CD300LD: variants seen among roughly 807,000 people sequenced by gnomAD.
CD300LD encodes the protein CMRF35-like molecule 5.
Under a neutral mutation model 20.3 loss-of-function variants are expected in CD300LD, and 18 were observed. That is an observed-to-expected ratio of 0.89 (90% CI 0.61 to 1.32). The LOEUF is 1.32. Ranked by LOEUF, CD300LD falls within the 40% of genes most tolerant of loss-of-function variation. CD300LD has a pLI of 0.00. For missense variants in CD300LD, 195 were observed against 226.6 expected, an observed-to-expected ratio of 0.86 and a Z score of 0.90; for synonymous variants, 104 against 90.1, an observed-to-expected ratio of 1.15 and a Z score of -0.87.
intron 1 of CD300LD, 189 bp downstream of exon 1, chr17:74,591,974 G>T: frequency 6.7e-7 from 1 of 1,499,292 alleles, no homozygotes; most frequent in Non-Finnish European, 9.0e-7. Context: ...GTGTGTGTTT[G>T]TTTCTGCAGC....
rs1431973077 is a variant in CD300LD, at chr17:74,580,131, C to T, written c.474-18G>A. Reference sequence around the variant, plus strand: ...GCGGGGACCTGTGGGAACACGGTGACAGGAAATGAGCTGCCTCCTGGGTCA... The same window carrying T: ...GCGGGGACCTGTGGGAACACGGTGATAGGAAATGAGCTGCCTCCTGGGTCA... On this transcript the variant is annotated intron_variant, in intron 3 of 3. Transcript: ENST00000375352. 6.4e-7 allele frequency: 1 copy of T among 1,552,494 alleles called. No individual in the cohort carries two copies.
At chr17:74,590,951 G>A (rs2143301012) in intron 1 of CD300LD, among the ~76,000 whole-genome samples, 1 of 152,130 alleles carries the variant, frequency 6.6e-6, no homozygotes, top group South Asian at 2.1e-4. Context: ...CATGCCTGTA[G>A]TCCCAGCTAC....
intron 2 of CD300LD, among the ~76,000 whole-genome samples, chr17:74,585,836 CTAGA>C (rs2030145373): frequency 6.6e-6 from 1 of 152,166 alleles, no homozygotes; most frequent in Non-Finnish European, 1.5e-5. Context: ...GCAGACCAGG[CTAGA>C]CAGAATCATG....
At position 74,592,219 on chromosome 17, in the gene CD300LD, C is replaced by T. The variant is rs1257638578; in HGVS notation, c.-17G>A. 1 of 1,614,192 alleles carries T rather than the reference C, an allele frequency of 6.2e-7. No individual in the cohort carries two copies. The stretch of plus-strand genomic sequence containing the variant: ...CAGCCACATGGTCCTGTCTCCTCTC[C>T]TCTCCTTGGTGATCACAGGTGTCTG... On this transcript the variant is annotated 5_prime_UTR_variant, in exon 1 of 4. Coordinates refer to ENST00000375352, the MANE Select transcript of CD300LD (RefSeq NM_001115152.2).
At chr17:74,583,449 C>T (rs978418274) in intron 2 of CD300LD, among the ~76,000 whole-genome samples, 1 of 152,230 alleles carries the variant, frequency 6.6e-6, no homozygotes, top group Admixed American at 6.5e-5. Context: ...TCAGGCTCAA[C>T]TGAACCTGCC....
intron 2 of CD300LD, among the ~76,000 whole-genome samples, chr17:74,583,228 A>G (rs1191733858): frequency 6.6e-6 from 1 of 152,212 alleles, no homozygotes; most frequent in Non-Finnish European, 1.5e-5. Context: ...CAGTACCTCA[A>G]AATGTGACTA....
Position 74,580,104 on chromosome 17 carries a change from G to C in CD300LD, c.483C>G (p.Leu161=). ...ACAGGAACAGGAAGTGGGTGCTCTT[G>C]AGCGGGGACCTGTGGGAACACGGTG... ...KTSSPLTRSP[L]KSTHFLFLFL... The change falls in exon 4 of 4, where the codon CTC becomes CTG. Residue 161 remains leucine, a synonymous_variant. Coordinates refer to ENST00000375352, the MANE Select transcript of CD300LD (RefSeq NM_001115152.2). The C allele has an allele frequency of 6.2e-7, 1 of 1,609,926 alleles. No homozygotes were observed. The highest frequency in any genetic ancestry group is 1.1e-5 in the South Asian group (1 of 90,372).
chr17:74,585,442 C>T (rs2030135056), intron 2 of CD300LD, among the ~76,000 whole-genome samples: 1 of 152,122 alleles, frequency 6.6e-6, no homozygotes, highest in Non-Finnish European at 1.5e-5. Context: ...TGAAAACTGG[C>T]CTGTGTCACC....
At chr17:74,591,265 T>TAAA (rs373754208) in intron 1 of CD300LD, among the ~76,000 whole-genome samples, 2 of 106,294 alleles carry the variant, frequency 1.9e-5, no homozygotes, top group Non-Finnish European at 4.4e-5. Context: ...AAAAAAAAAA[T>TAAA]AAAAATAATA....
Position 74,586,838 on chromosome 17 carries a change from A to C in CD300LD, c.379+1673T>G, listed in dbSNP as rs192467072. On this transcript the variant is annotated intron_variant, in intron 2 of 3. Coordinates refer to ENST00000375352, the MANE Select transcript of CD300LD (RefSeq NM_001115152.2). ...ATTCTGATTATGAAGGAGAAATTCA[A>C]GTAGTGGTAATGTCACAAGGTCTTT... Among the ~76,000 whole-genome samples the C allele has an allele frequency of 1.7e-3, 260 of 152,336 alleles. 1 individual carries two copies. Among genetic ancestry groups the C allele is most frequent in the African/African-American group, 6.0e-3 (250 of 41,574 alleles).
At chr17:74,582,581 C>G (rs986940560) in intron 2 of CD300LD, among the ~76,000 whole-genome samples, 2 of 152,286 alleles carry the variant, frequency 1.3e-5, no homozygotes, top group African/African-American at 4.8e-5. Context: ...GCATTCCGCT[C>G]TCCTCGGGCT....
At chr17:74,586,128 G>C (rs571836194) in intron 2 of CD300LD, among the ~76,000 whole-genome samples, 26 of 152,278 alleles carry the variant, frequency 1.7e-4, no homozygotes, top group African/African-American at 6.0e-4. Context: ...CTTAACTCTA[G>C]CTTTTGAGAA....
intron 1 of CD300LD, chr17:74,590,738 C>T (rs2030290936): frequency 6.6e-6 from 1 of 151,952 alleles, no homozygotes; most frequent in East Asian, 1.9e-4. Context: ...GGAAAGACAA[C>T]AATTAAGGTA....
At chr17:74,585,176 G>A (rs556649488) in intron 2 of CD300LD, among the ~76,000 whole-genome samples, 3 of 152,318 alleles carry the variant, frequency 2.0e-5, no homozygotes, top group African/African-American at 7.2e-5. Context: ...CATAACCCGT[G>A]GTTTCCACAG....
intron 1 of CD300LD, chr17:74,590,376 T>C (rs1049748812): frequency 3.9e-5 from 6 of 152,200 alleles, no homozygotes; most frequent in Non-Finnish European, 7.3e-5. Context: ...ACTAATACAC[T>C]GTGACTTCGT....
chr17:74,585,972 T>C (rs929850884), intron 2 of CD300LD, among the ~76,000 whole-genome samples: 4 of 152,188 alleles, frequency 2.6e-5, no homozygotes, highest in African/African-American at 9.7e-5. Flanking sequence ...CTGCTAAACA[T>C]GCCTGGGCCA....
At chr17:74,584,951 A>G (rs1414237843) in intron 2 of CD300LD, 1 of 152,166 alleles carries the variant, frequency 6.6e-6, no homozygotes, top group Non-Finnish European at 1.5e-5. Context: ...GCGGCAGCAG[A>G]TACAAGATCA....
intron 1 of CD300LD, among the ~76,000 whole-genome samples, chr17:74,591,093 A>G (rs2030300913): frequency 1.3e-5 from 2 of 151,824 alleles, no homozygotes; most frequent in South Asian, 4.2e-4. Flanking sequence ...GAAAGGAAGG[A>G]GAATATATCT....
Position 74,592,250 on chromosome 17 carries a change from C to T in CD300LD, c.-48G>A. 1.9e-6 allele frequency: 3 copies of T among 1,614,070 alleles called. No individual in the cohort carries two copies. Among genetic ancestry groups the T allele is most frequent in the Non-Finnish European group, 2.5e-6 (3 of 1,179,974 alleles). On this transcript the variant is annotated 5_prime_UTR_variant, in exon 1 of 4. Transcript: ENST00000375352. ...TTGGTGATCACAGGTGTCTGGTGCC[C>T]TTCAGGGACTTGAATCCAAGCTCGG...
Sources: gnomAD v4.1 joint callset for allele counts (sites outside exome capture counted in the v4.1 genomes callset) on GRCh38, gnomAD v4.1.1 for gene constraint, MANE v1.5 for transcripts, NCBI Gene and HGNC (gene_info 2026-07-23, HGNC 2026-07-21) for gene names.